Variants in CLCN5 observed in about 807,000 individuals in gnomAD.
CLCN5 encodes the protein H(+)/Cl(-) exchange transporter 5.
CLCN5 carries 17 observed loss-of-function variants against 54.0 expected under a neutral mutation model. That is an observed-to-expected ratio of 0.31 (90% confidence interval 0.22 to 0.47). CLCN5 has a LOEUF of 0.47. CLCN5 is among the 20% of genes least tolerant of loss of function. The pLI is 1.00. For missense variants in CLCN5, 448 were observed against 646.7 expected (o/e 0.69, Z 3.33); for synonymous variants, 222 against 233.0 (o/e 0.95, Z 0.43).
At chrX:50,082,520 C>T (rs782328176) in intron 9 of CLCN5, among the ~76,000 whole-genome samples, 24 of 109,803 alleles carry the variant, frequency 2.2e-4, no homozygotes, top group Admixed American at 5.8e-4. Flanking sequence ...ACTATGTTGC[C>T]CAGGCTAGTC....
At chrX:50,083,192 C>CAAAAAAAAAAA (rs35408376) in intron 9 of CLCN5, among the ~76,000 whole-genome samples, 1 of 71,157 alleles carries the variant, frequency 1.4e-5, no homozygotes, top group Non-Finnish European at 3.1e-5. Context: ...TTATGAAAAC[C>CAAAAAAAAAAA]AAAAAAAAAA....
intron 3 of CLCN5, chrX:49,945,382 G>A (rs1007611874): frequency 3.6e-5 from 4 of 110,615 alleles, no homozygotes; most frequent in African/African-American, 1.3e-4. Flanking sequence ...CCTGTGCAGG[G>A]ACCATGCTAA....
intron 4 of CLCN5, among the ~76,000 whole-genome samples, chrX:50,046,792 T>C (rs1459371541): frequency 1.8e-5 from 2 of 111,203 alleles, no homozygotes; most frequent in Non-Finnish European, 3.8e-5. Context: ...ACTTGTTTTT[T>C]TGTAATCTAG....
intron 3 of CLCN5, among the ~76,000 whole-genome samples, chrX:50,026,405 G>A (rs925824053): frequency 1.8e-5 from 2 of 111,235 alleles, no homozygotes; most frequent in African/African-American, 3.3e-5. Context: ...GATGCTGTTC[G>A]GTTTACCTGT....
At chrX:49,996,853 T>C (rs915378129) in intron 3 of CLCN5, among the ~76,000 whole-genome samples, 2 of 111,991 alleles carry the variant, frequency 1.8e-5, no homozygotes, top group South Asian at 7.5e-4. Context: ...CTTCTCTCTG[T>C]CAGAACTCTC....
chrX:50,060,619 A>G (rs1470736258), intron 4 of CLCN5, among the ~76,000 whole-genome samples: 6 of 111,063 alleles, frequency 5.4e-5, no homozygotes, highest in Non-Finnish European at 9.5e-5. Flanking sequence ...TAGGTAAACA[A>G]AGCAGCGGGG....
Position 50,033,950 on chromosome X carries a change from A to T in CLCN5, c.17-8366A>T, listed in dbSNP as rs782212696. Among the ~76,000 whole-genome samples, 18 of 111,492 alleles carry T rather than the reference A, an allele frequency of 1.6e-4. No individual in the cohort carries two copies. The South Asian group carries it at 6.8e-3, about 42-fold the overall frequency. On this transcript the variant is annotated intron_variant, in intron 3 of 14. Coordinates refer to ENST00000376091, the MANE Select transcript of CLCN5 (RefSeq NM_001127898.4). The stretch of plus-strand genomic sequence containing the variant: ...CTCATAACCCCTACTCGTCTGTAGG[A>T]ATAACTCCCAGATGAAGACTACTCT...
chrX:50,037,553 ATGGAG>A (rs1383052012), intron 3 of CLCN5, among the ~76,000 whole-genome samples: 1 of 111,765 alleles, frequency 8.9e-6, no homozygotes, highest in African/African-American at 3.3e-5. Context: ...AGGAATCTAC[ATGGAG>A]TAGTAGTTCA....
chrX:50,063,955 A>G (rs1932914190), intron 4 of CLCN5, among the ~76,000 whole-genome samples: 1 of 109,531 alleles, frequency 9.1e-6, no homozygotes, highest in African/African-American at 3.3e-5. Context: ...GACAAAATTC[A>G]ACAACCCTTC....
At chrX:49,979,961 T>A (rs1459680778) in intron 3 of CLCN5, among the ~76,000 whole-genome samples, 10 of 111,780 alleles carry the variant, frequency 8.9e-5, no homozygotes, top group African/African-American at 3.2e-4. Context: ...GGCTTTACCT[T>A]AAGCTCTGCT....
Position 50,092,310 on chromosome X carries a change from T to C in CLCN5, c.*91T>C. The C allele has an allele frequency of 1.6e-6, 1 of 618,772 alleles. No individual in the cohort carries two copies. Among genetic ancestry groups the C allele is most frequent in the Non-Finnish European group, 2.7e-6 (1 of 367,283 alleles). The allele number at this position is 618,772 out of a possible 1,213,427, so 51.0% of individuals were successfully genotyped here. A position where few individuals can be genotyped will look rare whatever the true frequency, so the allele number is the denominator to read the frequency against. On this transcript the variant is annotated 3_prime_UTR_variant, in exon 15 of 15. Coordinates refer to ENST00000376091, the MANE Select transcript of CLCN5 (RefSeq NM_001127898.4). ...GGTACCCAAAACACATTTTCCATAT[T>C]TGGATGGTGAAGTCACATTAGTGTG...
At chrX:50,030,509 C>T (rs1338538628) in intron 3 of CLCN5, among the ~76,000 whole-genome samples, 1 of 111,675 alleles carries the variant, frequency 9.0e-6, no homozygotes, top group African/African-American at 3.3e-5. Context: ...TACCATATAT[C>T]TTCCTTTTCT....
chrX:50,006,798 C>T (rs1930170108), intron 3 of CLCN5, among the ~76,000 whole-genome samples: 1 of 111,551 alleles, frequency 9.0e-6, no homozygotes, highest in African/African-American at 3.3e-5. Context: ...TGCTGCCTGC[C>T]AGTATTATTT....
chrX:50,057,343 G>A (rs189132417), intron 4 of CLCN5, among the ~76,000 whole-genome samples: 1 of 102,089 alleles, frequency 9.8e-6, no homozygotes, highest in East Asian at 3.3e-4. Context: ...TGTCCCAGGG[G>A]TCAAACTAAG....
chrX:50,021,235 C>T (rs1931084720), intron 3 of CLCN5, among the ~76,000 whole-genome samples: 1 of 98,434 alleles, frequency 1.0e-5, no homozygotes, highest in Non-Finnish European at 1.9e-5. Flanking sequence ...CTCTTTGAAG[C>T]AATTGTGAAT....
At chrX:50,089,389 A>G (rs185070327) in intron 12 of CLCN5, among the ~76,000 whole-genome samples, 20 of 112,663 alleles carry the variant, frequency 1.8e-4, no homozygotes, top group African/African-American at 5.1e-4. Flanking sequence ...TAAACATATA[A>G]TGTGAGTTCA....
At chrX:50,019,468 C>CTTTTTTTTTTTTTTTTTTT (rs1175073117) in intron 3 of CLCN5, among the ~76,000 whole-genome samples, 6 of 47,688 alleles carry the variant, frequency 1.3e-4, no homozygotes, top group Admixed American at 2.7e-4. Context: ...TTTTTTTTTT[C>CTTTTTTTTTTTTTTTTTTT]TTTTTTTTTT....
At chrX:49,953,154 G>T (rs1175040969) in intron 3 of CLCN5, among the ~76,000 whole-genome samples, 1 of 111,233 alleles carries the variant, frequency 9.0e-6, no homozygotes. Context: ...CCAAAGTACT[G>T]GGATTACAGG....
At chrX:50,034,779 T>C (rs782131539) in intron 3 of CLCN5, among the ~76,000 whole-genome samples, 85 of 111,080 alleles carry the variant, frequency 7.7e-4, no homozygotes, top group Non-Finnish European at 1.3e-3. Context: ...CTTGCCTTGA[T>C]CTTAGTACAA....
Sources: allele counts gnomAD v4.1 joint callset (sites outside exome capture counted in the v4.1 genomes callset), GRCh38; gene constraint gnomAD v4.1.1; transcripts MANE v1.5; gene names NCBI Gene and HGNC (gene_info 2026-07-23, HGNC 2026-07-21).